Variants in MBD5 observed in about 807,000 individuals in gnomAD.
MBD5 encodes methyl-CpG binding domain protein 5, also known as methyl-CpG-binding domain protein 5.
In MBD5, 13 loss-of-function variants were observed where a neutral mutation model predicts 117.3. The ratio of observed to expected loss-of-function variants is 0.11; its 90% CI spans 0.07 to 0.18. The LOEUF is 0.18. MBD5 is among the 10% of genes least tolerant of loss of function. The pLI, the probability that MBD5 is intolerant of heterozygous loss-of-function variation, is 1.00. For missense variants in MBD5, 1,879 were observed against 2,093.8 expected, an observed-to-expected ratio of 0.90 and a Z score of 2.00; for synonymous variants, 727 against 766.4, an observed-to-expected ratio of 0.95 and a Z score of 0.85.
rs2105635382 is a variant in MBD5, at chr2:148,469,589, G to A, written c.1646G>A (p.Ser549Asn). 1.2e-6 allele frequency: 2 copies of A among 1,613,888 alleles called. No individual in the cohort carries two copies. Among genetic ancestry groups the A allele is most frequent in the East Asian group, 2.2e-5 (1 of 44,880 alleles). ...AAFPTASAGSSSVKSQPGLLG... is the reference protein window; with the variant it reads ...AAFPTASAGSNSVKSQPGLLG... ...TTTCCTACTGCATCTGCCGGAAGTA[G>A]TTCTGTAAAGAGTCAGCCTGGTTTG... Residue 549 changes from serine to asparagine, a missense_variant, in exon 8 of 14, where the codon AGT becomes AAT. Physicochemically the swap from Ser to Asn is conservative, Grantham distance 46 (BLOSUM62 1). Transcript: ENST00000642680.
intron 4 of MBD5, among the ~76,000 whole-genome samples, chr2:148,389,810 T>G (rs543260899): frequency 8.6e-4 from 131 of 152,316 alleles, no homozygotes; most frequent in African/African-American, 3.0e-3. Context: ...TTTGTTTAAC[T>G]TCCTTATAGA....
chr2:148,388,401 T>A (rs566434970), intron 4 of MBD5, among the ~76,000 whole-genome samples: 191 of 152,286 alleles, frequency 1.3e-3, no homozygotes, highest in Middle Eastern at 0.01. Flanking sequence ...TACAATGTTT[T>A]CCTGGAAAAA....
At chr2:148,379,213 G>C (rs929655218) in intron 4 of MBD5, among the ~76,000 whole-genome samples, 5 of 152,000 alleles carry the variant, frequency 3.3e-5, no homozygotes, top group African/African-American at 9.7e-5. Context: ...AGATATTATG[G>C]TAAAACACAG....
At chr2:148,422,966 G>C (rs940705451) in intron 4 of MBD5, among the ~76,000 whole-genome samples, 7 of 152,156 alleles carry the variant, frequency 4.6e-5, no homozygotes, top group Non-Finnish European at 1.5e-5. Context: ...TAGCATACCT[G>C]AAAGTGACGG....
intron 7 of MBD5, among the ~76,000 whole-genome samples, chr2:148,465,860 C>T (rs1477076901): frequency 6.6e-6 from 1 of 152,118 alleles, no homozygotes; most frequent in African/African-American, 2.4e-5. Flanking sequence ...CCTGTGCTTG[C>T]TCTCACATCA....
chr2:148,241,508 T>G (rs1471016753), intron 3 of MBD5, among the ~76,000 whole-genome samples: 1 of 152,142 alleles, frequency 6.6e-6, no homozygotes, highest in African/African-American at 2.4e-5. Context: ...TTTTGGAGTC[T>G]TCCCCATGCA....
intron 10 of MBD5, 32 bp from the exon 11 acceptor site, chr2:148,489,354 T>G (rs1362781092): frequency 6.2e-7 from 1 of 1,613,836 alleles, no homozygotes; most frequent in South Asian, 1.1e-5. Context: ...TTATTTCCCT[T>G]TCTCTCACTG....
At chr2:148,293,478 A>G (rs1344580680) in intron 3 of MBD5, among the ~76,000 whole-genome samples, 1 of 152,188 alleles carries the variant, frequency 6.6e-6, no homozygotes, top group Non-Finnish European at 1.5e-5. Flanking sequence ...GCATGCCTGT[A>G]TCAAAACATC....
chr2:148,410,244 A>G (rs1705210518), intron 4 of MBD5, among the ~76,000 whole-genome samples: 1 of 152,210 alleles, frequency 6.6e-6, no homozygotes, highest in South Asian at 2.1e-4. Flanking sequence ...TTATGAGTAA[A>G]AAGCAATACT....
At chr2:148,391,737 G>A (rs7355758) in intron 4 of MBD5, among the ~76,000 whole-genome samples, 76,251 of 151,940 alleles carry the variant, frequency 0.5, 19,434 homozygotes, top group East Asian at 0.75. Flanking sequence ...TTTTGTCAAA[G>A]CCTAATTCCC....
intron 3 of MBD5, among the ~76,000 whole-genome samples, chr2:148,326,388 C>T (rs1702452704): frequency 6.6e-6 from 1 of 151,964 alleles, no homozygotes; most frequent in Non-Finnish European, 1.5e-5. Flanking sequence ...TCCTGGGTAT[C>T]CTTGTTGACT....
At chr2:148,478,878 G>A (rs1381948769) in intron 8 of MBD5, among the ~76,000 whole-genome samples, 1 of 152,094 alleles carries the variant, frequency 6.6e-6, no homozygotes, top group African/African-American at 2.4e-5. Context: ...TGAATAATTT[G>A]CTTCTTAAAA....
At chr2:148,070,167 T>G (rs1695312267) in intron 1 of MBD5, among the ~76,000 whole-genome samples, 1 of 152,168 alleles carries the variant, frequency 6.6e-6, no homozygotes, top group African/African-American at 2.4e-5. Flanking sequence ...GAGGTCAACT[T>G]TTTTAGCTCC....
intron 9 of MBD5, chr2:148,485,249 T>G (rs1681300017): frequency 6.5e-6 from 1 of 154,956 alleles, no homozygotes; most frequent in Non-Finnish European, 1.4e-5. Context: ...AAAATGCACG[T>G]TTCTAAACCA....
chr2:148,266,580 A>G (rs1700867052), intron 3 of MBD5, among the ~76,000 whole-genome samples: 1 of 152,254 alleles, frequency 6.6e-6, no homozygotes, highest in Admixed American at 6.5e-5. Flanking sequence ...CTAGCAAGAC[A>G]GAACTGTTAT....
intron 1 of MBD5, among the ~76,000 whole-genome samples, chr2:148,167,049 C>T (rs1359014517): frequency 1.3e-5 from 2 of 151,966 alleles, no homozygotes; most frequent in Non-Finnish European, 2.9e-5. Flanking sequence ...GTCATAAATA[C>T]TGGACAGAGC....
In MBD5 at chr2:148,422,742, GAC is replaced by G. The variant is rs1363046140; in HGVS notation, c.-556-35460_-556-35459del. On this transcript the variant is annotated intron_variant, in intron 4 of 13. Coordinates refer to ENST00000642680, the MANE Select transcript of MBD5 (RefSeq NM_001378120.1). Reference sequence around the variant, plus strand: ...AACCACTTTAGAGAAGAACATAAATGACCTCATGGAGCTGAAAAACACAGCAC... The same window carrying G: ...AACCACTTTAGAGAAGAACATAAATGCTCATGGAGCTGAAAAACACAGCAC... Among the ~76,000 whole-genome samples the G allele has an allele frequency of 3.9e-5, 6 of 152,138 alleles. No homozygotes were observed. The East Asian group carries it at 1.2e-3, about 29-fold the overall frequency.
intron 7 of MBD5, among the ~76,000 whole-genome samples, chr2:148,464,120 C>G (rs1408894901): frequency 6.6e-6 from 1 of 152,034 alleles, no homozygotes; most frequent in Non-Finnish European, 1.5e-5. Flanking sequence ...AATTTCTTAC[C>G]CAGAGCATTC....
intron 2 of MBD5, among the ~76,000 whole-genome samples, chr2:148,182,600 T>C (rs1698556905): frequency 1.3e-5 from 2 of 152,270 alleles, no homozygotes; most frequent in Non-Finnish European, 2.9e-5. Context: ...TTTCTTTTAA[T>C]GTGTGCTAAC....
Sources: allele counts gnomAD v4.1 joint callset (sites outside exome capture counted in the v4.1 genomes callset), GRCh38; gene constraint gnomAD v4.1.1; transcripts MANE v1.5; gene names NCBI Gene and HGNC (gene_info 2026-07-23, HGNC 2026-07-21).